Variants in ABCC5 observed in about 807,000 individuals in gnomAD.
ABCC5 encodes the protein ATP binding cassette subfamily C member 5.
ABCC5 carries 61 observed loss-of-function variants against 160.9 expected under a neutral mutation model. That is an observed-to-expected ratio of 0.38 (90% CI 0.31 to 0.47). The LOEUF is 0.47. ABCC5 is among the 20% of genes least tolerant of loss of function. The pLI is 0.99. For missense variants in ABCC5, 1,308 were observed against 1,813.3 expected, an observed-to-expected ratio of 0.72 and a Z score of 5.06; for synonymous variants, 666 against 700.6, an observed-to-expected ratio of 0.95 and a Z score of 0.78.
At chr3:183,927,308 T>G (rs771528018) in intron 28 of ABCC5, 22 bp downstream of exon 28, 1 of 1,610,238 alleles carries the variant, frequency 6.2e-7, no homozygotes, top group South Asian at 1.1e-5. Context: ...TCTCTGCTGC[T>G]GCCAACCCCA....
chr3:183,955,104 CAG>C (rs1193496333), intron 17 of ABCC5, among the ~76,000 whole-genome samples: 2 of 152,114 alleles, frequency 1.3e-5, no homozygotes, highest in African/African-American at 4.8e-5. Flanking sequence ...TAGCAGACGT[CAG>C]AGAGAACAGA....
intron 1 of ABCC5, among the ~76,000 whole-genome samples, chr3:184,014,892 A>C (rs1722066177): frequency 6.6e-6 from 1 of 152,218 alleles, no homozygotes; most frequent in Admixed American, 6.5e-5. Flanking sequence ...AAACTTACCA[A>C]ACACTTATTC....
intron 18 of ABCC5, among the ~76,000 whole-genome samples, chr3:183,952,658 GTCTTGTCTC>G (rs1374973751): frequency 1.3e-5 from 2 of 152,150 alleles, no homozygotes; most frequent in African/African-American, 4.8e-5. Context: ...CGCACACGCT[GTCTTGTCTC>G]TCTTCTGCCA....
At chr3:183,952,422 C>G (rs1715459574) in intron 18 of ABCC5, among the ~76,000 whole-genome samples, 1 of 152,162 alleles carries the variant, frequency 6.6e-6, no homozygotes, top group Non-Finnish European at 1.5e-5. Flanking sequence ...GCTGGGATTA[C>G]AGGCATGATC....
At position 183,949,940 on chromosome 3, in the gene ABCC5, G is replaced by T; in HGVS notation, c.3098+32C>A. 6.2e-7 allele frequency: 1 copy of T among 1,613,966 alleles called. No homozygotes were observed. The highest frequency in any genetic ancestry group is 1.1e-5 in the South Asian group (1 of 91,048). ...TACCCAGCAACTGAGGCTTCTCCGT[G>T]GCCCCAGCAGACATGAACGCTTCCT... On this transcript the variant is annotated intron_variant, in intron 21 of 29. Transcript: ENST00000334444. The surrounding 1 kb of genome is among the most constrained non-coding windows in gnomAD (Gnocchi z 4.2).
intron 15 of ABCC5, among the ~76,000 whole-genome samples, chr3:183,962,210 T>C (rs1354437399): frequency 1.3e-5 from 2 of 152,224 alleles, no homozygotes; most frequent in African/African-American, 4.8e-5. Flanking sequence ...TAGCCTACAG[T>C]TGGGCAAAAT....
In ABCC5 at chr3:183,951,324, C is replaced by T. The variant is rs1237231443; in HGVS notation, c.2944+117G>A. ...GCAATGTTCCTGGTGAAAACACCAG[C>T]AGTCACTGTGCTCTCAGGATCTACA... On this transcript the variant is annotated intron_variant, in intron 20 of 29. Coordinates refer to ENST00000334444, the MANE Select transcript of ABCC5 (RefSeq NM_005688.4). The surrounding 1 kb of genome is among the most constrained non-coding windows in gnomAD (Gnocchi z 4.7). 2.2e-6 allele frequency: 3 copies of T among 1,340,972 alleles called. No individual in the cohort carries two copies. The highest frequency in any genetic ancestry group is 2.9e-5 in the African/African-American group (2 of 68,184). 83.1% of individuals were successfully genotyped at this position (1,340,972 alleles called of 1,614,324 possible). A position where few individuals can be genotyped will look rare whatever the true frequency, so the allele number is the denominator to read the frequency against.
At chr3:183,975,715 A>AC (rs1718156375) in intron 10 of ABCC5, among the ~76,000 whole-genome samples, 1 of 152,102 alleles carries the variant, frequency 6.6e-6, no homozygotes, top group South Asian at 2.1e-4. Context: ...GACTGAGACC[A>AC]CCAAGAGAAG....
In ABCC5 at chr3:183,921,333, A is replaced by G; in HGVS notation, c.4281T>C (p.Ala1427=). 6.2e-7 allele frequency: 1 copy of G among 1,609,398 alleles called. No individual in the cohort carries two copies. Among genetic ancestry groups the G allele is most frequent in the Non-Finnish European group, 8.5e-7 (1 of 1,176,008 alleles). ...TGACAGCGACCTTGTTCTCTGCAGC[A>G]GCAAACATGGCATAGAATCGGGAAC... The part of the protein sequence containing the change: ...NDSSRFYAMF[A]AAENKVAVKG The change falls in exon 30 of 30, where the codon GCT becomes GCC. Residue 1427 remains alanine (A), a synonymous_variant. Transcript: ENST00000334444. This position sits in a 1 kb window ranked among gnomAD's most constrained non-coding sequence, Gnocchi z 4.1.
chr3:183,942,700 T>C (rs769776711), intron 25 of ABCC5, 27 bp downstream of exon 25: 9 of 1,604,222 alleles, frequency 5.6e-6, no homozygotes, highest in Admixed American at 3.4e-5. Context: ...TTCCAATGGA[T>C]TCAAAGAAGG....
Position 183,981,734 on chromosome 3 carries a change from A to G in ABCC5, c.1140T>C (p.Ser380=), listed in dbSNP as rs763650248. 1 of 1,610,560 alleles carries G rather than the reference A, an allele frequency of 6.2e-7. No individual in the cohort carries two copies. Among genetic ancestry groups the G allele is most frequent in the Non-Finnish European group, 8.5e-7 (1 of 1,179,210 alleles). ...CAAAATCTTTAAACTCACTTTGAAC[A>G]CTCTGAGAAAATGCTTTGACCCAGG... ...MYAWVKAFSQ[S]VQKIREEERR... Residue 380 remains serine (S), a synonymous_variant, in exon 8 of 30, where the codon AGT becomes AGC. Coordinates refer to ENST00000334444, the MANE Select transcript of ABCC5 (RefSeq NM_005688.4).
intron 8 of ABCC5, among the ~76,000 whole-genome samples, chr3:183,981,025 TTTCTAC>T (rs1718695267): frequency 6.6e-6 from 1 of 152,180 alleles, no homozygotes; most frequent in African/African-American, 2.4e-5. Flanking sequence ...GAACACTGTA[TTTCTAC>T]TCCAACTATA....
At position 183,951,559 on chromosome 3, in the gene ABCC5, T is replaced by C. The variant is rs1384097190; in HGVS notation, c.2826A>G (p.Arg942=). 2.5e-6 allele frequency: 4 copies of C among 1,614,020 alleles called. No homozygotes were observed. The East Asian group carries it at 6.7e-5, about 27-fold the overall frequency. ...GCTCGTCATGCAGCCGGGAGGAAGCTCGCAGCGTGCCCTGAGGAGCAGAGC... is the reference window on the plus strand; with the variant it reads ...GCTCGTCATGCAGCCGGGAGGAAGCCCGCAGCGTGCCCTGAGGAGCAGAGC... The part of the protein sequence containing the change: ...RGVVFVKGTL[R]ASSRLHDELF... The change falls in exon 20 of 30, where the codon CGA becomes CGG. Residue 942 remains arginine (R), a synonymous_variant. Transcript: ENST00000334444. The surrounding 1 kb of genome is among the most constrained non-coding windows in gnomAD (Gnocchi z 4.7).
chr3:184,011,694 T>C (rs1721757346), intron 2 of ABCC5, among the ~76,000 whole-genome samples: 1 of 152,190 alleles, frequency 6.6e-6, no homozygotes, highest in Admixed American at 6.5e-5. Flanking sequence ...GGTACATCTA[T>C]AACACGGAAT....
chr3:183,989,433 G>A (rs374306727), intron 2 of ABCC5, 50 bp from the exon 3 acceptor site: 88 of 1,593,148 alleles, frequency 5.5e-5, no homozygotes, highest in Non-Finnish European at 6.7e-5. Context: ...ATACACAGGC[G>A]AGAGGCAAAC....
chr3:183,976,535 G>A (rs953170009), intron 10 of ABCC5, among the ~76,000 whole-genome samples: 1 of 152,142 alleles, frequency 6.6e-6, no homozygotes, highest in Non-Finnish European at 1.5e-5. Flanking sequence ...GATTACAGGT[G>A]TGAGCCACCA....
At chr3:183,941,378 A>G (rs1405535057) in intron 25 of ABCC5, among the ~76,000 whole-genome samples, 3 of 152,192 alleles carry the variant, frequency 2.0e-5, no homozygotes, top group Non-Finnish European at 4.4e-5. Flanking sequence ...GCTTGGCTAA[A>G]GATTCCCTTC....
chr3:183,980,874 A>G (rs1234761021), intron 8 of ABCC5, among the ~76,000 whole-genome samples: 1 of 151,794 alleles, frequency 6.6e-6, no homozygotes, highest in East Asian at 1.9e-4. Context: ...CACCACACCC[A>G]GCTTATTTTT....
intron 17 of ABCC5, among the ~76,000 whole-genome samples, chr3:183,956,497 C>A (rs933775604): frequency 6.7e-6 from 1 of 148,478 alleles, no homozygotes; most frequent in African/African-American, 2.5e-5. Context: ...CTGTTACATG[C>A]GGATCCGTGT....
Sources: allele counts gnomAD v4.1 joint callset (sites outside exome capture counted in the v4.1 genomes callset), GRCh38; gene constraint gnomAD v4.1.1; non-coding constraint Gnocchi (gnomAD v3.1); transcripts MANE v1.5; gene names NCBI Gene and HGNC (gene_info 2026-07-23, HGNC 2026-07-21).